Variants in CADM2 observed in about 807,000 individuals in gnomAD.
CADM2 encodes cell adhesion molecule 2, also known as immunoglobulin superfamily member 4D.
Under a neutral mutation model 49.8 loss-of-function variants are expected in CADM2, and 12 were observed. That is an observed-to-expected ratio of 0.24 (90% CI 0.15 to 0.39). The LOEUF is 0.39. Among genes scored for constraint, CADM2 ranks in the 10% least tolerant of loss-of-function variants. The pLI is 1.00. For missense variants in CADM2, 378 were observed against 492.3 expected (o/e 0.77, Z 2.20); for synonymous variants, 214 against 175.4 (o/e 1.22, Z -1.74).
At chr3:85,974,606 A>G (rs1333642440) in intron 8 of CADM2, among the ~76,000 whole-genome samples, 1 of 151,608 alleles carries the variant, frequency 6.6e-6, no homozygotes, top group African/African-American at 2.4e-5. Flanking sequence ...AAGTTTAGCC[A>G]TGGTCCTGTA....
At chr3:85,452,875 T>C (rs547962260) in intron 1 of CADM2, among the ~76,000 whole-genome samples, 8 of 152,156 alleles carry the variant, frequency 5.3e-5, no homozygotes, top group Non-Finnish European at 1.2e-4. Context: ...TATAAGTTTA[T>C]GTAAAGGAAG....
chr3:85,321,116 ATTTTTTTTTT>A (rs1157576505), intron 1 of CADM2, among the ~76,000 whole-genome samples: 2 of 27,498 alleles, frequency 7.3e-5, no homozygotes, highest in African/African-American at 1.5e-4. Flanking sequence ...ATATATATAT[ATTTTTTTTTT>A]TTTTTTTTTT....
intron 1 of CADM2, among the ~76,000 whole-genome samples, chr3:85,643,135 A>G (rs1577001729): frequency 6.6e-6 from 1 of 152,228 alleles, no homozygotes; most frequent in East Asian, 1.9e-4. Flanking sequence ...TCTGCAAGCT[A>G]CTGTTGACCA....
intron 8 of CADM2, among the ~76,000 whole-genome samples, chr3:85,966,173 T>A (rs77590170): frequency 0.041 from 6,177 of 151,702 alleles, 415 homozygotes; most frequent in African/African-American, 0.14. Context: ...AGAAATACAG[T>A]AATACCAGCA....
In CADM2 at chr3:85,999,018, GT is replaced by G. The variant is rs750290407; in HGVS notation, c.970+37375del. On this transcript the variant is annotated intron_variant, in intron 8 of 9. Coordinates refer to ENST00000383699, the MANE Select transcript of CADM2 (RefSeq NM_001167675.2). ...AAAGTAAGAAATATAAGGGGTAAGG[GT>G]TTTATGGAAAAAAAATAATGTATTC... is the stretch of plus-strand genomic sequence containing the variant. Among the ~76,000 whole-genome samples, 201 of 152,112 alleles carry G rather than the reference GT, an allele frequency of 1.3e-3. 2 individuals are homozygous for G. The highest frequency in any genetic ancestry group is 1.7e-3 in the Non-Finnish European group (114 of 67,978).
At chr3:85,927,407 G>A (rs1720012073) in intron 6 of CADM2, among the ~76,000 whole-genome samples, 1 of 152,068 alleles carries the variant, frequency 6.6e-6, no homozygotes, top group Non-Finnish European at 1.5e-5. Context: ...GATCTTGAGG[G>A]ACCGCAATAT....
chr3:85,952,404 CTG>C (rs943137426), intron 7 of CADM2, among the ~76,000 whole-genome samples: 5 of 150,782 alleles, frequency 3.3e-5, no homozygotes, highest in Non-Finnish European at 3.0e-5. Flanking sequence ...TGGTTGGCAC[CTG>C]TCTCTGTAAA....
At chr3:85,018,746 T>C (rs917548361) in intron 1 of CADM2, among the ~76,000 whole-genome samples, 1 of 152,192 alleles carries the variant, frequency 6.6e-6, no homozygotes, top group Non-Finnish European at 1.5e-5. Flanking sequence ...GTAAGAACAA[T>C]GAACAAATTA....
intron 5 of CADM2, among the ~76,000 whole-genome samples, chr3:85,908,254 C>CTTTTTTTTTTTTTTT: frequency 1.5e-5 from 1 of 65,768 alleles, no homozygotes; most frequent in Admixed American, 1.6e-4. Flanking sequence ...TTTTTTTCTT[C>CTTTTTTTTTTTTTTT]TTTTTTTTTT....
chr3:85,175,985 G>A (rs1460125127), intron 1 of CADM2, among the ~76,000 whole-genome samples: 1 of 132,862 alleles, frequency 7.5e-6, no homozygotes, highest in Non-Finnish European at 1.5e-5. Context: ...CTGGAGTGCA[G>A]TGGCGGGATC....
chr3:85,705,093 C>A (rs956185461), intron 1 of CADM2, among the ~76,000 whole-genome samples: 2 of 148,932 alleles, frequency 1.3e-5, no homozygotes, highest in African/African-American at 2.5e-5. Context: ...GTCTCGATCT[C>A]CTGACCTTGT....
intron 8 of CADM2, among the ~76,000 whole-genome samples, chr3:85,964,221 A>C (rs1725201024): frequency 6.6e-6 from 1 of 151,950 alleles, no homozygotes; most frequent in South Asian, 2.1e-4. Context: ...ATAAGTGATC[A>C]TTTGTGAGAA....
At chr3:85,112,408 G>A (rs61212713) in intron 1 of CADM2, among the ~76,000 whole-genome samples, 10,229 of 150,498 alleles carry the variant, frequency 0.068, 1,142 homozygotes, top group African/African-American at 0.23. Context: ...TAAAGTACAC[G>A]TATAAGTAAA....
Position 85,883,274 on chromosome 3 carries a change from A to G in CADM2, c.239-17A>G, listed in dbSNP as rs367876147. ...TCTGATGTCCTTATTTACATTTTCA[A>G]TATTTTCTCTTTCCAGCTTTAAGGG... is the stretch of plus-strand genomic sequence containing the variant. On this transcript the variant is annotated splice_polypyrimidine_tract_variant and intron_variant, in intron 3 of 9. Coordinates refer to ENST00000383699, the MANE Select transcript of CADM2 (RefSeq NM_001167675.2). 8 of 1,595,328 alleles carry G rather than the reference A, an allele frequency of 5.0e-6. No homozygotes were observed. The highest frequency in any genetic ancestry group is 6.0e-6 in the Non-Finnish European group (7 of 1,167,610).
chr3:85,530,235 C>T (rs921140478), intron 1 of CADM2, among the ~76,000 whole-genome samples: 1 of 151,928 alleles, frequency 6.6e-6, no homozygotes, highest in African/African-American at 2.4e-5. Flanking sequence ...CATGTCTCTT[C>T]CTCTACCGCC....
intron 1 of CADM2, among the ~76,000 whole-genome samples, chr3:85,630,163 T>G (rs2064262470): frequency 6.6e-6 from 1 of 152,056 alleles, no homozygotes; most frequent in Non-Finnish European, 1.5e-5. Context: ...AAGACCATGC[T>G]TTTTGCCACT....
intron 1 of CADM2, among the ~76,000 whole-genome samples, chr3:85,229,758 G>C (rs150343468): frequency 7.7e-4 from 117 of 152,330 alleles, no homozygotes; most frequent in African/African-American, 2.7e-3. Flanking sequence ...TTTGGTGTAA[G>C]ATTGTCATGG....
At chr3:85,552,374 T>G (rs920180067) in intron 1 of CADM2, among the ~76,000 whole-genome samples, 863 of 18,788 alleles carry the variant, frequency 0.046, 40 homozygotes, top group Middle Eastern at 0.062. Flanking sequence ...AAGTTTTTTT[T>G]TTTTTTTTTT....
chr3:85,770,571 T>C (rs1024149341), intron 2 of CADM2, among the ~76,000 whole-genome samples: 1 of 152,102 alleles, frequency 6.6e-6, no homozygotes, highest in South Asian at 2.1e-4. Flanking sequence ...CTCCCATCTC[T>C]GCCTTCCAAA....
Sources: allele counts gnomAD v4.1 joint callset (sites outside exome capture counted in the v4.1 genomes callset), GRCh38; gene constraint gnomAD v4.1.1; transcripts MANE v1.5; gene names NCBI Gene and HGNC (gene_info 2026-07-23, HGNC 2026-07-21).